RYR2: variants seen among roughly 807,000 people sequenced by gnomAD.
RYR2 encodes cardiac muscle ryanodine receptor-calcium release channel.
Under a neutral mutation model 601.1 loss-of-function variants are expected in RYR2, and 227 were observed. The observed-to-expected ratio is 0.38, with a 90% CI of 0.34 to 0.42. The LOEUF is 0.42. Ranked by LOEUF, RYR2 falls within the 10% of genes least tolerant of loss-of-function variation. The probability of loss-of-function intolerance (pLI) is 1.00; values close to 1 mark genes in which losing one functional copy is unlikely to be tolerated. For missense variants in RYR2, 4,646 were observed against 6,156.5 expected (o/e 0.75, Z 8.21); for synonymous variants, 2,223 against 2,175.1 (o/e 1.02, Z -0.61).
chr1:237,593,684 T>C, intron 33 of RYR2, 48 bp downstream of exon 33: 1 of 1,575,470 alleles, frequency 6.3e-7, no homozygotes, highest in Non-Finnish European at 8.7e-7. Context: ...AAAAAAATAT[T>C]GGTGAACCTA....
At chr1:237,381,578 A>C (rs1014497446) in intron 8 of RYR2, among the ~76,000 whole-genome samples, 3 of 152,214 alleles carry the variant, frequency 2.0e-5, no homozygotes, top group Non-Finnish European at 4.4e-5. Context: ...GGTTAAGCTA[A>C]GATTAAACTA....
At chr1:237,287,869 T>C (rs1157026396) in intron 2 of RYR2, among the ~76,000 whole-genome samples, 1 of 152,154 alleles carries the variant, frequency 6.6e-6, no homozygotes, top group Non-Finnish European at 1.5e-5. Flanking sequence ...GTGATTTTTG[T>C]GGAGTGGTGA....
chr1:237,565,764 C>T (rs947220424), intron 27 of RYR2, among the ~76,000 whole-genome samples: 2 of 152,136 alleles, frequency 1.3e-5, no homozygotes, highest in African/African-American at 4.8e-5. Context: ...CATTCCTCTC[C>T]TCTGTGGTTT....
chr1:237,117,454 C>A (rs1315108781), intron 1 of RYR2, among the ~76,000 whole-genome samples: 1 of 152,024 alleles, frequency 6.6e-6, no homozygotes, highest in Non-Finnish European at 1.5e-5. Flanking sequence ...TAAAGGGACT[C>A]ATTTTTTTTC....
chr1:237,206,823 G>A (rs1681871380), intron 1 of RYR2, among the ~76,000 whole-genome samples: 1 of 152,138 alleles, frequency 6.6e-6, no homozygotes, highest in African/African-American at 2.4e-5. Context: ...CATTTTTATG[G>A]AAGAAGCCTA....
chr1:237,745,673 G>A (rs921324939), intron 80 of RYR2, among the ~76,000 whole-genome samples: 2 of 152,158 alleles, frequency 1.3e-5, no homozygotes, highest in African/African-American at 4.8e-5. Context: ...GCCAGACTAA[G>A]GACAAGAAGT....
At position 237,732,203 on chromosome 1, in the gene RYR2, T is replaced by G. The variant is rs576904463; in HGVS notation, c.11039+54T>G. ...TAGGAGGAGCAAATAAAGACACCCG[T>G]GTCTGAGTATTCTGTGCCATGTGTT... On this transcript the variant is annotated intron_variant, in intron 78 of 104. Transcript: ENST00000366574. 486 of 1,029,920 alleles carry G rather than the reference T, an allele frequency of 4.7e-4. 5 individuals carry two copies. The South Asian group carries it at 6.4e-3, about 14-fold the overall frequency. The allele number at this position is 1,029,920 out of a possible 1,614,324, so 63.8% of individuals were successfully genotyped here.
chr1:237,426,216 A>C (rs1329608271), intron 12 of RYR2, among the ~76,000 whole-genome samples: 2 of 152,180 alleles, frequency 1.3e-5, no homozygotes, highest in Admixed American at 1.3e-4. Context: ...GATGCCTCTG[A>C]TTCTATGAGT....
chr1:237,469,258 C>G, intron 17 of RYR2, 71 bp downstream of exon 17: 2 of 107,848 alleles, frequency 1.9e-5, no homozygotes, highest in South Asian at 1.3e-4. Context: ...TCCTTTAAGA[C>G]AAAAAAAAAA....
At chr1:237,770,784 T>A in intron 84 of RYR2, 23 bp from the exon 85 acceptor site, 1 of 1,512,212 alleles carries the variant, frequency 6.6e-7, no homozygotes, top group Non-Finnish European at 9.0e-7. Flanking sequence ...TGGTAATGTT[T>A]GATCCCTCTG....
At chr1:237,309,828 C>T (rs943439175) in intron 2 of RYR2, among the ~76,000 whole-genome samples, 8 of 152,178 alleles carry the variant, frequency 5.3e-5, no homozygotes, top group Admixed American at 2.6e-4. Flanking sequence ...TGGGCTGGCA[C>T]TGCTGGGGGA....
rs924176546 is a variant in RYR2, at chr1:237,660,899, C to T, written c.8388C>T (p.Asp2796=). The change falls in exon 56 of 105, where the codon GAC becomes GAT. Residue 2796 remains aspartate (D), a synonymous_variant. Transcript: ENST00000366574. ...GAATTGAAAGAACTCGGGAGGGAGA[C>T]AGCATGGCCCTTTACAACCGGACTC... ...GWRIERTREG[D]SMALYNRTRR... is the part of the protein sequence containing the mutation. The T allele has an allele frequency of 2.6e-6, 4 of 1,521,876 alleles. No homozygotes were observed. The highest frequency in any genetic ancestry group is 2.6e-5 in the South Asian group (2 of 77,430). 94.3% of individuals were successfully genotyped at this position (1,521,876 alleles called of 1,614,324 possible).
In RYR2 at chr1:237,726,259, T is replaced by G; in HGVS notation, c.10690-14T>G. On this transcript the variant is annotated splice_polypyrimidine_tract_variant and intron_variant, in intron 74 of 104. Coordinates refer to ENST00000366574, the MANE Select transcript of RYR2 (RefSeq NM_001035.3). ...TTACTTTTTTAGCTAACATAACATT[T>G]TTATTTCTTTCAGAAGTCTAAACGT... 1 of 1,555,938 alleles carries G rather than the reference T, an allele frequency of 6.4e-7. No homozygotes were observed. Among genetic ancestry groups the G allele is most frequent in the South Asian group, 1.2e-5 (1 of 84,420 alleles).
At chr1:237,226,552 G>C (rs766803854) in intron 1 of RYR2, among the ~76,000 whole-genome samples, 16 of 152,172 alleles carry the variant, frequency 1.1e-4, no homozygotes, top group Non-Finnish European at 2.2e-4. Flanking sequence ...ACACTTCCGA[G>C]AGATAGCTTA....
At chr1:237,386,790 T>C (rs1701986943) in intron 8 of RYR2, among the ~76,000 whole-genome samples, 2 of 152,314 alleles carry the variant, frequency 1.3e-5, no homozygotes, top group East Asian at 1.9e-4. Flanking sequence ...TAATGGCTTT[T>C]GCATCAAATT....
intron 84 of RYR2, 26 bp downstream of exon 84, chr1:237,761,054 T>A (rs1444358753): frequency 7.5e-7 from 1 of 1,332,008 alleles, no homozygotes; most frequent in African/African-American, 1.4e-5. Flanking sequence ...ATTAAAAGGA[T>A]CACCTGTCTC....
intron 98 of RYR2, among the ~76,000 whole-genome samples, chr1:237,802,694 G>A (rs1414476259): frequency 2.6e-5 from 4 of 152,194 alleles, no homozygotes; most frequent in African/African-American, 9.6e-5. Flanking sequence ...AATAACAAGA[G>A]GGCAACCTCA....
At chr1:237,177,946 T>G (rs968864841) in intron 1 of RYR2, among the ~76,000 whole-genome samples, 3 of 152,216 alleles carry the variant, frequency 2.0e-5, no homozygotes, top group African/African-American at 7.2e-5. Flanking sequence ...AAATACAGAT[T>G]ATAAGACAAT....
chr1:237,277,777 A>AC (rs1403823705), intron 2 of RYR2, among the ~76,000 whole-genome samples: 1 of 151,924 alleles, frequency 6.6e-6, no homozygotes, highest in East Asian at 1.9e-4. Context: ...CCGAGATCGT[A>AC]CCACTGCATT....
Sources: allele counts gnomAD v4.1 joint callset (sites outside exome capture counted in the v4.1 genomes callset), GRCh38; gene constraint gnomAD v4.1.1; transcripts MANE v1.5; gene names NCBI Gene and HGNC (gene_info 2026-07-23, HGNC 2026-07-21).